CPED1: variants seen among roughly 807,000 people sequenced by gnomAD.
The protein encoded by CPED1 is cadherin like and PC-esterase domain containing 1.
A neutral mutation model predicts 128.2 loss-of-function variants in CPED1; 114 were observed. That is an observed-to-expected ratio of 0.89 (90% confidence interval 0.76 to 1.04). The LOEUF (loss-of-function observed/expected upper bound fraction) is 1.04, where lower values mean the gene tolerates loss of function less well. CPED1 is among the 50% of genes least tolerant of loss of function. CPED1 has a pLI of 0.00. For synonymous variants in CPED1, 462 were observed against 426.7 expected, an observed-to-expected ratio of 1.08 and a Z score of -1.02; for missense variants, 1,211 against 1,207.1, an observed-to-expected ratio of 1.00 and a Z score of -0.05.
chr7:121,132,194 C>T (rs1795687251), intron 12 of CPED1, among the ~76,000 whole-genome samples: 1 of 151,840 alleles, frequency 6.6e-6, no homozygotes, highest in Non-Finnish European at 1.5e-5. Flanking sequence ...TATACATGTT[C>T]CAGATGAGAA....
intron 15 of CPED1, 28 bp from the exon 16 acceptor site, chr7:121,141,945 C>G (rs761317740): frequency 1.3e-6 from 2 of 1,595,364 alleles, no homozygotes; most frequent in South Asian, 2.2e-5. Flanking sequence ...TATTCATATT[C>G]TATTTCTCTC....
At chr7:121,191,637 G>T (rs1241157106) in intron 16 of CPED1, among the ~76,000 whole-genome samples, 1 of 152,104 alleles carries the variant, frequency 6.6e-6, no homozygotes, top group Non-Finnish European at 1.5e-5. Flanking sequence ...AAATTTGGGT[G>T]GTTATTGGTT....
In CPED1 at chr7:121,116,981, C is replaced by CACACACACACATATATAT. The variant is rs1430776906; in HGVS notation, c.919-7324_919-7307dup. ...CTCTCTCTATATATATATATATACA[C>CACACACACACATATATAT]ACACACACACATATATATACACACA... is the stretch of plus-strand genomic sequence containing the variant. On this transcript the variant is annotated intron_variant, in intron 7 of 22. Coordinates refer to ENST00000310396, the MANE Select transcript of CPED1 (RefSeq NM_024913.5). Among the ~76,000 whole-genome samples the CACACACACACATATATAT allele has an allele frequency of 2.0e-3, 291 of 147,366 alleles. 3 individuals are homozygous for CACACACACACATATATAT. Among genetic ancestry groups the CACACACACACATATATAT allele is most frequent in the African/African-American group, 6.6e-3 (263 of 40,032 alleles).
intron 7 of CPED1, among the ~76,000 whole-genome samples, chr7:121,108,630 C>G (rs1795037188): frequency 6.8e-6 from 1 of 148,050 alleles, no homozygotes; most frequent in Non-Finnish European, 1.5e-5. Context: ...ATGATATTTT[C>G]TAGAGCTCTT....
intron 7 of CPED1, among the ~76,000 whole-genome samples, chr7:121,114,175 A>G (rs1795178929): frequency 6.6e-6 from 1 of 152,186 alleles, no homozygotes; most frequent in South Asian, 2.1e-4. Context: ...TGAGGTTTAT[A>G]TCCACTCTAT....
chr7:121,257,244 T>C (rs542401266), intron 18 of CPED1, among the ~76,000 whole-genome samples: 14 of 151,810 alleles, frequency 9.2e-5, no homozygotes, highest in Admixed American at 8.5e-4. Context: ...AAAAAGACAA[T>C]AGAAGAGCAA....
intron 5 of CPED1, among the ~76,000 whole-genome samples, chr7:121,085,774 CT>C (rs1451699738): frequency 6.6e-6 from 1 of 152,166 alleles, no homozygotes; most frequent in African/African-American, 2.4e-5. Context: ...CTTGTCATCT[CT>C]CATTGACGAT....
chr7:120,997,633 G>A (rs1379913319), intron 2 of CPED1, among the ~76,000 whole-genome samples: 12 of 152,118 alleles, frequency 7.9e-5, no homozygotes. Context: ...TTATAGGAAG[G>A]CAGTAGATGG....
chr7:121,140,719 T>C (rs1260274942), intron 14 of CPED1, 108 bp from the exon 15 acceptor site: 10 of 749,900 alleles, frequency 1.3e-5, no homozygotes, highest in Non-Finnish European at 2.1e-5. Context: ...GCAGGGATCA[T>C]TGAAGTTGTT....
Position 121,140,965 on chromosome 7 carries a change from C to T in CPED1, c.1838C>T (p.Thr613Ile). ...GTAACAGTGACAATTGGAGTGGAAA[C>T]TCCTAAGTGTCTGTGCAAGGTGCAC... ...DVVTVTIGVE[T>I]PKCLCKVHLY... Residue 613 changes from threonine (T) to isoleucine (I), a missense_variant, in exon 15 of 23, where the codon ACT becomes ATT. Thr to Ile is a moderately conservative substitution (Grantham distance 89). Transcript: ENST00000310396. 1.2e-6 allele frequency: 2 copies of T among 1,612,534 alleles called. No homozygotes were observed. The highest frequency in any genetic ancestry group is 1.7e-6 in the Non-Finnish European group (2 of 1,179,164).
intron 16 of CPED1, among the ~76,000 whole-genome samples, chr7:121,212,618 T>C (rs192684914): frequency 6.6e-5 from 10 of 152,126 alleles, no homozygotes; most frequent in Non-Finnish European, 1.3e-4. Flanking sequence ...CTGTTTTCTC[T>C]TCTAGAACTC....
chr7:121,140,879 A>G lies in CPED1; in HGVS notation c.1752A>G (p.Glu584=). 6.2e-7 allele frequency: 1 copy of G among 1,612,730 alleles called. No individual in the cohort carries two copies. Among genetic ancestry groups the G allele is most frequent in the Middle Eastern group, 1.7e-4 (1 of 6,046 alleles). Reference sequence around the variant, plus strand: ...AGATCTTCACACATCCACATTTGGAACTAAATCCTGACTTTCATCCAAAGA... The same window carrying G: ...AGATCTTCACACATCCACATTTGGAGCTAAATCCTGACTTTCATCCAAAGA... The part of the protein sequence containing the change: ...IKQIFTHPHL[E]LNPDFHPKIK... Residue 584 remains glutamate (E), a synonymous_variant, in exon 15 of 23, where the codon GAA becomes GAG. Transcript: ENST00000310396.
chr7:120,997,021 C>A (rs982407280), intron 2 of CPED1, among the ~76,000 whole-genome samples: 19 of 152,222 alleles, frequency 1.2e-4, no homozygotes, highest in African/African-American at 2.4e-5. Flanking sequence ...CATAATCCAC[C>A]CAACAGCCTG....
Position 121,039,586 on chromosome 7 carries a change from G to A in CPED1, c.434-7301G>A, listed in dbSNP as rs180980692. Reference sequence around the variant, plus strand: ...AGCATTTCAGACATTTAGAAATTTCGTAAAATGCAGTAATGAGAGTGTTGT... The same window carrying A: ...AGCATTTCAGACATTTAGAAATTTCATAAAATGCAGTAATGAGAGTGTTGT... On this transcript the variant is annotated intron_variant, in intron 3 of 22. Coordinates refer to ENST00000310396, the MANE Select transcript of CPED1 (RefSeq NM_024913.5). Among the ~76,000 whole-genome samples, 265 of 152,044 alleles carry A rather than the reference G, an allele frequency of 1.7e-3. 2 individuals are homozygous for A. Among genetic ancestry groups the A allele is most frequent in the African/African-American group, 5.9e-3 (246 of 41,540 alleles).
chr7:121,024,053 A>G (rs1792506832), intron 3 of CPED1, among the ~76,000 whole-genome samples: 1 of 152,136 alleles, frequency 6.6e-6, no homozygotes. Flanking sequence ...GTAAGACTGC[A>G]CTATTCTATT....
At chr7:121,202,222 A>T (rs933244946) in intron 16 of CPED1, among the ~76,000 whole-genome samples, 1 of 152,110 alleles carries the variant, frequency 6.6e-6, no homozygotes. Context: ...CAGGCTGAAG[A>T]TCAAAGAACT....
intron 21 of CPED1, among the ~76,000 whole-genome samples, chr7:121,268,856 C>T (rs971340939): frequency 7.2e-5 from 11 of 151,950 alleles, no homozygotes; most frequent in African/African-American, 2.7e-4. Flanking sequence ...GCTAGTTCCT[C>T]AGAGAAAACC....
At chr7:121,106,165 A>C (rs1441118644) in intron 7 of CPED1, among the ~76,000 whole-genome samples, 1 of 152,112 alleles carries the variant, frequency 6.6e-6, no homozygotes, top group Non-Finnish European at 1.5e-5. Flanking sequence ...AATATGATTT[A>C]AGAGCAGGTT....
chr7:121,068,517 G>A (rs959813509), intron 5 of CPED1, among the ~76,000 whole-genome samples: 1 of 151,966 alleles, frequency 6.6e-6, no homozygotes, highest in African/African-American at 2.4e-5. Context: ...GGTTACTGTA[G>A]CCTTGTAGTA....
Sources: gnomAD v4.1 joint callset for allele counts (sites outside exome capture counted in the v4.1 genomes callset) on GRCh38, gnomAD v4.1.1 for gene constraint, MANE v1.5 for transcripts, NCBI Gene and HGNC (gene_info 2026-07-23, HGNC 2026-07-21) for gene names.